Variants in HACD3 observed in about 807,000 individuals in gnomAD.
HACD3 encodes 3-hydroxyacyl-CoA dehydratase 3, also known as very-long-chain (3R)-3-hydroxyacyl-CoA dehydratase 3.
HACD3 carries 30 observed loss-of-function variants against 55.2 expected under a neutral mutation model. That is an observed-to-expected ratio of 0.54 (90% CI 0.41 to 0.74). The LOEUF is 0.74. Among genes scored for constraint, HACD3 ranks in the 30% least tolerant of loss-of-function variants. HACD3 has a pLI of 0.00. For synonymous variants in HACD3, 141 were observed against 151.7 expected, an observed-to-expected ratio of 0.93 and a Z score of 0.52; for missense variants, 363 against 440.1, an observed-to-expected ratio of 0.82 and a Z score of 1.57.
In HACD3 at chr15:65,571,613, C is replaced by G; in HGVS notation, c.839C>G (p.Thr280Ser). ...AAGGTGCTCACATGGCTTCGTTACA[C>G]TCTGTGGATTCCCTTATATCCACTG... ...DWKVLTWLRY[T>S]LWIPLYPLGC... is the part of the protein sequence containing the mutation. The change falls in exon 9 of 11, where the codon ACT becomes AGT. Residue 280 changes from threonine (T) to serine (S), a missense_variant. By Grantham distance (58) the Thr-to-Ser change is moderately conservative. Coordinates refer to ENST00000261875, the MANE Select transcript of HACD3 (RefSeq NM_016395.4). The G allele has an allele frequency of 6.2e-7, 1 of 1,613,860 alleles. No individual in the cohort carries two copies. Among genetic ancestry groups the G allele is most frequent in the Non-Finnish European group, 8.5e-7 (1 of 1,179,748 alleles).
chr15:65,570,014 A>G lies in HACD3; in HGVS notation c.661-77A>G, dbSNP rs549729106. On this transcript the variant is annotated intron_variant, in intron 7 of 10. Coordinates refer to ENST00000261875, the MANE Select transcript of HACD3 (RefSeq NM_016395.4). Reference sequence around the variant, plus strand: ...TATTTGCCTTGCATTTAGTGGGGTTAGATTTCAGATAACACATTTCTATAA... The same window carrying G: ...TATTTGCCTTGCATTTAGTGGGGTTGGATTTCAGATAACACATTTCTATAA... The G allele has an allele frequency of 1.5e-4, 139 of 945,994 alleles. 2 individuals carry two copies. The South Asian group carries it at 2.3e-3, about 16-fold the overall frequency. The allele number at this position is 945,994 out of a possible 1,614,324, so 58.6% of individuals were successfully genotyped here.
intron 1 of HACD3, among the ~76,000 whole-genome samples, chr15:65,545,339 T>A (rs1028885867): frequency 5.9e-5 from 9 of 152,112 alleles, no homozygotes; most frequent in Non-Finnish European, 1.0e-4. Context: ...AAATCCAGAA[T>A]ATGATACATT....
At chr15:65,545,799 C>T (rs1191524719) in intron 1 of HACD3, among the ~76,000 whole-genome samples, 1 of 152,132 alleles carries the variant, frequency 6.6e-6, no homozygotes, top group African/African-American at 2.4e-5. Context: ...AGGATAACTG[C>T]ATCAAGAGTG....
At position 65,578,197 on chromosome 15, in the gene HACD3, G is replaced by C. The variant is rs536219361; in HGVS notation, c.*1818G>C. 2.6e-5 allele frequency: 4 copies of C among 152,206 alleles called. No individual in the cohort carries two copies. The highest frequency in any genetic ancestry group is 5.9e-5 in the Non-Finnish European group (4 of 68,028). The allele number at this position is 152,206 out of a possible 1,614,324, so 9.4% of individuals were successfully genotyped here. A position where few individuals can be genotyped will look rare whatever the true frequency, so the allele number is the denominator to read the frequency against. ...ATTGATTTCTGATATTCTTGCAGCT[G>C]ACTACGTGTAATTGGGCAGATCAGC... On this transcript the variant is annotated 3_prime_UTR_variant, in exon 11 of 11. Transcript: ENST00000261875.
Position 65,558,708 on chromosome 15 carries a change from T to A in HACD3, c.398T>A (p.Leu133Gln), listed in dbSNP as rs750607822. 3 of 1,602,052 alleles carry A rather than the reference T, an allele frequency of 1.9e-6. No individual in the cohort carries two copies. In the Admixed American group the frequency reaches 5.1e-5, roughly 27 times the overall value. The change falls in exon 5 of 11, where the codon CTG becomes CAG. Residue 133 changes from leucine (L) to glutamine (Q), a missense_variant. By Grantham distance (113) the Leu-to-Gln change is moderately radical (BLOSUM62 -2). Coordinates refer to ENST00000261875, the MANE Select transcript of HACD3 (RefSeq NM_016395.4). ...GAAGAGCGCCTAAATAAACTCCGACTGGAAAGCGAAGGCTCTCCTGAAAGT... is the reference window on the plus strand; with the variant it reads ...GAAGAGCGCCTAAATAAACTCCGACAGGAAAGCGAAGGCTCTCCTGAAAGT... ...KEEERLNKLR[L>Q]ESEGSPETLT...
At chr15:65,554,402 G>A (rs1298618000) in intron 2 of HACD3, among the ~76,000 whole-genome samples, 2 of 152,130 alleles carry the variant, frequency 1.3e-5, no homozygotes, top group East Asian at 1.9e-4. Flanking sequence ...GGAGCTCTGC[G>A]CACAAGCCCC....
intron 6 of HACD3, among the ~76,000 whole-genome samples, chr15:65,563,587 T>C (rs1335826935): frequency 2.0e-5 from 3 of 152,166 alleles, no homozygotes; most frequent in African/African-American, 7.2e-5. Flanking sequence ...AAGGATCTCT[T>C]GCGCCCAGGA....
Position 65,558,812 on chromosome 15 carries a change from G to A in HACD3, c.421+81G>A, listed in dbSNP as rs115379080. ...TATGGATAATTGTGATGTGGCAGGA[G>A]AGCTAATGATTTCATCCCGGTGAGC... On this transcript the variant is annotated intron_variant, in intron 5 of 10. Coordinates refer to ENST00000261875, the MANE Select transcript of HACD3 (RefSeq NM_016395.4). 1,617 of 1,477,956 alleles carry A rather than the reference G, an allele frequency of 1.1e-3. 11 individuals are homozygous for A. The African/African-American group carries it at 0.02, about 18-fold the overall frequency. 91.6% of individuals were successfully genotyped at this position (1,477,956 alleles called of 1,614,324 possible). A position where few individuals can be genotyped will look rare whatever the true frequency, so the allele number is the denominator to read the frequency against.
intron 1 of HACD3, among the ~76,000 whole-genome samples, chr15:65,546,516 C>T (rs1279445699): frequency 1.3e-5 from 2 of 152,106 alleles, no homozygotes; most frequent in Non-Finnish European, 2.9e-5. Flanking sequence ...ATGGAGGCTA[C>T]CCCCACCCTA....
At chr15:65,561,636 G>A (rs1394706824) in intron 5 of HACD3, among the ~76,000 whole-genome samples, 1 of 152,060 alleles carries the variant, frequency 6.6e-6, no homozygotes, top group African/African-American at 2.4e-5. Flanking sequence ...AATCAACACA[G>A]AAGACTTCTG....
intron 1 of HACD3, among the ~76,000 whole-genome samples, chr15:65,532,236 C>T (rs549209211): frequency 4.7e-4 from 72 of 152,084 alleles, no homozygotes; most frequent in African/African-American, 1.6e-3. Context: ...TACTGCTCCA[C>T]GGTGGTTTAA....
intron 1 of HACD3, among the ~76,000 whole-genome samples, chr15:65,542,012 C>T (rs1204808902): frequency 2.0e-5 from 3 of 151,890 alleles, no homozygotes; most frequent in Non-Finnish European, 4.4e-5. Flanking sequence ...GGGCAGACCA[C>T]GAGGTCAATA....
At position 65,576,816 on chromosome 15, in the gene HACD3, G is replaced by C. The variant is rs1449976663; in HGVS notation, c.*437G>C. The C allele has an allele frequency of 6.3e-6, 1 of 158,394 alleles. No homozygotes were observed. Among genetic ancestry groups the C allele is most frequent in the Non-Finnish European group, 1.4e-5 (1 of 72,372 alleles). 9.8% of individuals were successfully genotyped at this position (158,394 alleles called of 1,614,324 possible). A position where few individuals can be genotyped will look rare whatever the true frequency, so the allele number is the denominator to read the frequency against. ...AAGGCTGTTAAAGTGACTCAGGCAG[G>C]AATTAATTATTCTGTACCTAAGGGG... On this transcript the variant is annotated 3_prime_UTR_variant, in exon 11 of 11. Transcript: ENST00000261875.
At position 65,564,304 on chromosome 15, in the gene HACD3, G is replaced by A; in HGVS notation, c.622G>A (p.Gly208Arg). Residue 208 changes from glycine (G) to arginine (R), a missense_variant, in exon 7 of 11, where the codon GGA becomes AGA. Physicochemically the swap from Gly to Arg is moderately radical, Grantham distance 125. Coordinates refer to ENST00000261875, the MANE Select transcript of HACD3 (RefSeq NM_016395.4). ...TGTGGAAACTATCAATGCAGCAATT[G>A]GAGTCACTACGTCACCGGTGCTGCC... is the stretch of plus-strand genomic sequence containing the variant. The part of the protein sequence containing the change: ...AVVETINAAI[G>R]VTTSPVLPSL... 1.2e-6 allele frequency: 2 copies of A among 1,613,900 alleles called. No homozygotes were observed. The highest frequency in any genetic ancestry group is 4.5e-5 in the East Asian group (2 of 44,888).
intron 5 of HACD3, among the ~76,000 whole-genome samples, chr15:65,561,486 AT>A (rs2072243912): frequency 6.6e-6 from 1 of 152,008 alleles, no homozygotes; most frequent in South Asian, 2.1e-4. Flanking sequence ...GAAAAAAAAA[AT>A]TGAGCCGGAG....
chr15:65,534,995 G>C (rs574673401), intron 1 of HACD3, among the ~76,000 whole-genome samples: 1 of 152,258 alleles, frequency 6.6e-6, no homozygotes, highest in African/African-American at 2.4e-5. Flanking sequence ...GACAAGAGGC[G>C]CTCTTACAAA....
At chr15:65,551,453 G>A (rs1471684474) in intron 1 of HACD3, among the ~76,000 whole-genome samples, 1 of 152,196 alleles carries the variant, frequency 6.6e-6, no homozygotes, top group Non-Finnish European at 1.5e-5. Context: ...GTTAGAGCAG[G>A]TTAGGGTCCT....
At chr15:65,569,397 C>T (rs2072326884) in intron 7 of HACD3, among the ~76,000 whole-genome samples, 1 of 151,762 alleles carries the variant, frequency 6.6e-6, no homozygotes, top group Non-Finnish European at 1.5e-5. Context: ...GGAATACATA[C>T]ACAAGCAGTA....
intron 1 of HACD3, among the ~76,000 whole-genome samples, chr15:65,543,238 T>A (rs940303233): frequency 1.3e-5 from 2 of 152,136 alleles, no homozygotes; most frequent in African/African-American, 4.8e-5. Context: ...ATGTCCTTTT[T>A]AAAAATCAAC....
Sources: gnomAD v4.1 joint callset for allele counts (sites outside exome capture counted in the v4.1 genomes callset) on GRCh38, gnomAD v4.1.1 for gene constraint, MANE v1.5 for transcripts, NCBI Gene and HGNC (gene_info 2026-07-23, HGNC 2026-07-21) for gene names.